The following GASK1B variants were observed in gnomAD, a reference collection of about 807,000 sequenced individuals.
GASK1B encodes the protein golgi associated kinase 1B.
A neutral mutation model predicts 42.8 loss-of-function variants in GASK1B; 34 were observed. The ratio of observed to expected loss-of-function variants is 0.79; its 90% CI spans 0.60 to 1.06. The LOEUF (loss-of-function observed/expected upper bound fraction) is 1.06, where lower values mean the gene tolerates loss of function less well. Among genes scored for constraint, GASK1B ranks in the 50% least tolerant of loss-of-function variants. The pLI is 0.00. For missense variants in GASK1B, 686 were observed against 661.0 expected, an observed-to-expected ratio of 1.04 and a Z score of -0.42; for synonymous variants, 262 against 259.1, an observed-to-expected ratio of 1.01 and a Z score of -0.11.
In GASK1B at chr4:158,171,339, A is replaced by T. The variant is rs745853596; in HGVS notation, c.37T>A (p.Trp13Arg). Residue 13 changes from tryptophan to arginine, a missense_variant, in exon 2 of 5, where the codon TGG (tryptophan) becomes AGG (arginine). By Grantham distance (101) the Trp-to-Arg change is moderately radical (BLOSUM62 -3). Transcript: ENST00000585682. ...GGGACGCACAGGGAGCAGATGAACC[A>T]GTTTATGAGCTGCCCCGGCTTGTCT... is the stretch of plus-strand genomic sequence containing the variant. ...CPDKPGQLIN[W>R]FICSLCVPRV... The T allele has an allele frequency of 4.4e-6, 7 of 1,608,320 alleles. No individual in the cohort carries two copies. The Admixed American group carries it at 5.0e-5, about 12-fold the overall frequency.
rs1280538716 is a variant in GASK1B, at chr4:158,126,246, T to C, written c.*1161A>G. ...TAAAGATGCAACACATGAACCTGAT[T>C]TGTCCATGTCTTCCAATCTGATTTA... is the stretch of plus-strand genomic sequence containing the variant. On this transcript the variant is annotated 3_prime_UTR_variant, in exon 5 of 5. Coordinates refer to ENST00000585682, the MANE Select transcript of GASK1B (RefSeq NM_001128424.2). 1 of 152,142 alleles carries C rather than the reference T, an allele frequency of 6.6e-6. No individual in the cohort carries two copies. Among genetic ancestry groups the C allele is most frequent in the African/African-American group, 2.4e-5 (1 of 41,466 alleles). The allele number at this position is 152,142 out of a possible 1,614,324, so 9.4% of individuals were successfully genotyped here. A position where few individuals can be genotyped will look rare whatever the true frequency, so the allele number is the denominator to read the frequency against.
chr4:158,144,739 C>A (rs1560782566), intron 3 of GASK1B, among the ~76,000 whole-genome samples: 1 of 152,206 alleles, frequency 6.6e-6, no homozygotes, highest in Non-Finnish European at 1.5e-5. Context: ...TAATCCCAGA[C>A]TTTCTTTGCT....
At position 158,127,454 on chromosome 4, in the gene GASK1B, T is replaced by C; in HGVS notation, c.1513A>G (p.Thr505Ala). Reference sequence around the variant, plus strand: ...TTGACCCCGTGTGCATTGATATAGGTGATAAGAATTTTGGCTCTGTGTTCT... The same window carrying C: ...TTGACCCCGTGTGCATTGATATAGGCGATAAGAATTTTGGCTCTGTGTTCT... Reference protein sequence around the residue: ...VIEHRAKILITYINAHGVKVL... With the variant: ...VIEHRAKILIAYINAHGVKVL... Residue 505 changes from threonine to alanine, a missense_variant, in exon 5 of 5, where the codon ACC (threonine) becomes GCC (alanine). Coordinates refer to ENST00000585682, the MANE Select transcript of GASK1B (RefSeq NM_001128424.2). The C allele has an allele frequency of 6.2e-7, 1 of 1,613,696 alleles. No individual in the cohort carries two copies. The highest frequency in any genetic ancestry group is 8.5e-7 in the Non-Finnish European group (1 of 1,179,716).
chr4:158,150,703 A>G (rs901902024), intron 3 of GASK1B, among the ~76,000 whole-genome samples: 2 of 152,214 alleles, frequency 1.3e-5, no homozygotes, highest in Admixed American at 1.3e-4. Flanking sequence ...CAGAACTAGT[A>G]CATTAATAAA....
intron 3 of GASK1B, among the ~76,000 whole-genome samples, chr4:158,141,833 T>A (rs1227764635): frequency 6.6e-6 from 1 of 150,952 alleles, no homozygotes; most frequent in African/African-American, 2.4e-5. Context: ...GGTTTCGATG[T>A]CCTGACCTCG....
At chr4:158,129,942 G>A (rs1000057714) in intron 4 of GASK1B, among the ~76,000 whole-genome samples, 1 of 152,108 alleles carries the variant, frequency 6.6e-6, no homozygotes, top group Non-Finnish European at 1.5e-5. Context: ...TTTATAGCTG[G>A]GTTCTTGCCA....
chr4:158,127,293 G>A lies in GASK1B; in HGVS notation c.*114C>T, dbSNP rs760864338. 4.1e-5 allele frequency: 33 copies of A among 801,956 alleles called. No homozygotes were observed. Among genetic ancestry groups the A allele is most frequent in the Admixed American group, 9.3e-5 (4 of 43,222 alleles). The allele number at this position is 801,956 out of a possible 1,614,324, so 49.7% of individuals were successfully genotyped here. ...ACTTGGTTAAAGTCATTTATTTTAC[G>A]TATTCATCTACACTGCCTCATTGCT... On this transcript the variant is annotated 3_prime_UTR_variant, in exon 5 of 5. Transcript: ENST00000585682.
intron 3 of GASK1B, among the ~76,000 whole-genome samples, chr4:158,135,986 GAAAT>G (rs1047565829): frequency 1.3e-5 from 2 of 152,194 alleles, no homozygotes; most frequent in Admixed American, 6.5e-5. Context: ...AATCATCAGA[GAAAT>G]AAAGTTTTTG....
intron 3 of GASK1B, among the ~76,000 whole-genome samples, chr4:158,133,713 G>C (rs1207997277): frequency 6.6e-6 from 1 of 152,142 alleles, no homozygotes; most frequent in East Asian, 1.9e-4. Context: ...TACTTCGTCT[G>C]ATCTAATTTT....
rs1360907558 is a variant in GASK1B, at chr4:158,140,724, T to TA, written c.1126-9713dup. Among the ~76,000 whole-genome samples, 3 of 152,174 alleles carry TA rather than the reference T, an allele frequency of 2.0e-5. No individual in the cohort carries two copies. In the South Asian group the frequency reaches 6.2e-4, roughly 32 times the overall value. On this transcript the variant is annotated intron_variant, in intron 3 of 4. Transcript: ENST00000585682. ...CCAAAAGCTAGTCCCAGCAATACGT[T>TA]AAAAAATGTTTGAATCTCAAATGGT...
In GASK1B at chr4:158,127,239, T is replaced by C. The variant is rs968068427; in HGVS notation, c.*168A>G. ...TTGTTTTTCAAAACCTTTTTAAGTA[T>C]GCATACAGTGCTAAGTCCCATTATA... On this transcript the variant is annotated 3_prime_UTR_variant, in exon 5 of 5. Transcript: ENST00000585682. 1 of 536,986 alleles carries C rather than the reference T, an allele frequency of 1.9e-6. No homozygotes were observed. Among genetic ancestry groups the C allele is most frequent in the African/African-American group, 1.9e-5 (1 of 51,852 alleles). 33.3% of individuals were successfully genotyped at this position (536,986 alleles called of 1,614,324 possible). A position where few individuals can be genotyped will look rare whatever the true frequency, so the allele number is the denominator to read the frequency against.
intron 2 of GASK1B, among the ~76,000 whole-genome samples, chr4:158,164,486 G>A (rs1472373480): frequency 6.6e-6 from 1 of 152,150 alleles, no homozygotes; most frequent in Non-Finnish European, 1.5e-5. Context: ...GCTTAGAGCC[G>A]AGGCTCAGTA....
intron 2 of GASK1B, among the ~76,000 whole-genome samples, chr4:158,162,454 A>T (rs926798251): frequency 6.6e-6 from 1 of 152,184 alleles, no homozygotes; most frequent in African/African-American, 2.4e-5. Flanking sequence ...GATAGCTCTT[A>T]GAGTCTAAGG....
rs1385525177 is a variant in GASK1B at position 158,124,786 on chromosome 4, T to C, written c.*2621A>G. The C allele has an allele frequency of 6.6e-6, 1 of 152,180 alleles. No homozygotes were observed. Among genetic ancestry groups the C allele is most frequent in the Non-Finnish European group, 1.5e-5 (1 of 68,022 alleles). 9.4% of individuals were successfully genotyped at this position (152,180 alleles called of 1,614,324 possible). ...CCGCTAAAGGTAGCAAACATTCCTC[T>C]GTACCTAGCTCTGAAAACACATCTA... On this transcript the variant is annotated 3_prime_UTR_variant, in exon 5 of 5. Transcript: ENST00000585682.
At position 158,162,256 on chromosome 4, in the gene GASK1B, AG is replaced by A. The variant is rs370496551; in HGVS notation, c.911-6432del. 4.6e-5 allele frequency among the ~76,000 whole-genome samples: 7 copies of A among 152,252 alleles called. No individual in the cohort carries two copies. In the East Asian group the frequency reaches 5.8e-4, roughly 13 times the overall value. On this transcript the variant is annotated intron_variant, in intron 2 of 4. Coordinates refer to ENST00000585682, the MANE Select transcript of GASK1B (RefSeq NM_001128424.2). ...GGGCCTCCTAAAAATATCTCCATTG[AG>A]GTTTTTATCACACATTTTTTGTAAG...
chr4:158,136,805 CAGAGAG>C (rs765824601), intron 3 of GASK1B, among the ~76,000 whole-genome samples: 1 of 152,104 alleles, frequency 6.6e-6, no homozygotes, highest in African/African-American at 2.4e-5. Context: ...GAATGCATAT[CAGAGAG>C]AAAGTATAAA....
chr4:158,135,761 G>T (rs1051997396), intron 3 of GASK1B, among the ~76,000 whole-genome samples: 3 of 151,936 alleles, frequency 2.0e-5, no homozygotes, highest in East Asian at 1.9e-4. Context: ...AGTTATAAAG[G>T]TTTCGTCAGA....
At chr4:158,150,644 C>A (rs1393105354) in intron 3 of GASK1B, among the ~76,000 whole-genome samples, 2 of 152,200 alleles carry the variant, frequency 1.3e-5, no homozygotes, top group Non-Finnish European at 2.9e-5. Flanking sequence ...ATAATAACTT[C>A]TCTGAGCTTC....
chr4:158,170,766 T>G lies in GASK1B; in HGVS notation c.610A>C (p.Asn204His), dbSNP rs932233097. The G allele has an allele frequency of 6.2e-7, 1 of 1,614,096 alleles. No homozygotes were observed. Among genetic ancestry groups the G allele is most frequent in the Admixed American group, 1.7e-5 (1 of 60,018 alleles). Residue 204 changes from asparagine (N) to histidine (H), a missense_variant, in exon 2 of 5, where the codon AAC becomes CAC. Asn to His is a moderately conservative substitution (Grantham distance 68). Coordinates refer to ENST00000585682, the MANE Select transcript of GASK1B (RefSeq NM_001128424.2). ...DFLQPSSRES[N>H]IRIYSESAPS... ...GCGCTCTCGCTGTAGATCCTAATGT[T>G]GCTCTCCCTGGAGCTGGGCTGCAGG...
Sources: gnomAD v4.1 joint callset for allele counts (sites outside exome capture counted in the v4.1 genomes callset) on GRCh38, gnomAD v4.1.1 for gene constraint, MANE v1.5 for transcripts, NCBI Gene and HGNC (gene_info 2026-07-23, HGNC 2026-07-21) for gene names.